Variants in ZNF148 observed in about 807,000 individuals in gnomAD.
ZNF148 encodes zinc finger protein 148.
ZNF148 carries 7 observed loss-of-function variants against 67.7 expected under a neutral mutation model. The observed-to-expected ratio is 0.10, with a 90% confidence interval of 0.06 to 0.19. The LOEUF (loss-of-function observed/expected upper bound fraction) is 0.19, where lower values mean the gene tolerates loss of function less well. Ranked by LOEUF, ZNF148 falls within the 10% of genes least tolerant of loss-of-function variation. The pLI is 1.00. For missense variants in ZNF148, 583 were observed against 947.1 expected, an observed-to-expected ratio of 0.62 and a Z score of 5.05; for synonymous variants, 333 against 330.7, an observed-to-expected ratio of 1.01 and a Z score of -0.08.
At chr3:125,270,873 C>T (rs573984812) in intron 7 of ZNF148, among the ~76,000 whole-genome samples, 2 of 152,168 alleles carry the variant, frequency 1.3e-5, no homozygotes, top group South Asian at 2.1e-4. Flanking sequence ...GAGACTTCAT[C>T]TCTGAAAACA....
At chr3:125,304,057 T>G (rs1939741837) in intron 4 of ZNF148, among the ~76,000 whole-genome samples, 1 of 152,090 alleles carries the variant, frequency 6.6e-6, no homozygotes, top group Admixed American at 6.6e-5. Context: ...AAGGATAGAT[T>G]TTTGTCCTTT....
At chr3:125,235,360 C>CT (rs1936036872) in intron 7 of ZNF148, among the ~76,000 whole-genome samples, 1 of 152,212 alleles carries the variant, frequency 6.6e-6, no homozygotes, top group Admixed American at 6.5e-5. Flanking sequence ...ATATTTCACT[C>CT]TTTCTCTTGG....
chr3:125,329,312 GAT>G lies in ZNF148; in HGVS notation c.-153+1844_-153+1845del, dbSNP rs200587493. ...TGTATATATGTATATTCATACTACA[GAT>G]ATATATATAATTTTTTATATATATA... On this transcript the variant is annotated intron_variant, in intron 2 of 8. Transcript: ENST00000360647. 1.8e-3 allele frequency among the ~76,000 whole-genome samples: 262 copies of G among 144,990 alleles called. 3 individuals carry two copies. Among genetic ancestry groups the G allele is most frequent in the African/African-American group, 5.8e-3 (232 of 39,906 alleles).
chr3:125,356,100 G>A (rs1942334030), intron 1 of ZNF148, among the ~76,000 whole-genome samples: 1 of 152,122 alleles, frequency 6.6e-6, no homozygotes, highest in Non-Finnish European at 1.5e-5. Flanking sequence ...AAATGTAAAT[G>A]TGGTACAAAT....
At chr3:125,328,470 T>C (rs553336830) in intron 2 of ZNF148, among the ~76,000 whole-genome samples, 1 of 152,290 alleles carries the variant, frequency 6.6e-6, no homozygotes, top group Non-Finnish European at 1.5e-5. Context: ...CATTACACAA[T>C]GTAAGCATGT....
intron 7 of ZNF148, among the ~76,000 whole-genome samples, chr3:125,253,177 C>A (rs1475469727): frequency 6.6e-6 from 1 of 152,130 alleles, no homozygotes; most frequent in South Asian, 2.1e-4. Context: ...TTTCATATCT[C>A]TTTATAATGT....
At chr3:125,273,961 A>C (rs1039866956) in intron 7 of ZNF148, among the ~76,000 whole-genome samples, 2 of 152,266 alleles carry the variant, frequency 1.3e-5, no homozygotes, top group Admixed American at 1.3e-4. Context: ...AAATAAAATT[A>C]AAAATTGTAC....
intron 7 of ZNF148, among the ~76,000 whole-genome samples, chr3:125,275,891 G>C (rs1432693888): frequency 2.0e-5 from 3 of 152,150 alleles, no homozygotes; most frequent in African/African-American, 7.2e-5. Context: ...GCCTCATGTG[G>C]CTTTTCTGTG....
intron 2 of ZNF148, among the ~76,000 whole-genome samples, chr3:125,325,245 C>A (rs1388206155): frequency 1.3e-5 from 2 of 151,960 alleles, no homozygotes; most frequent in Non-Finnish European, 1.5e-5. Flanking sequence ...ATCAGAAGGG[C>A]TCAACAGATT....
chr3:125,359,432 C>T (rs1057041845), intron 1 of ZNF148, among the ~76,000 whole-genome samples: 1 of 152,132 alleles, frequency 6.6e-6, no homozygotes, highest in African/African-American at 2.4e-5. Context: ...ACATGAACAT[C>T]AAAAACTCTG....
chr3:125,355,546 G>A (rs896799433), intron 1 of ZNF148, among the ~76,000 whole-genome samples: 1 of 152,108 alleles, frequency 6.6e-6, no homozygotes, highest in Non-Finnish European at 1.5e-5. Flanking sequence ...TTTGTTTTGT[G>A]ATATAGGAGG....
At chr3:125,356,193 C>T (rs1942336817) in intron 1 of ZNF148, among the ~76,000 whole-genome samples, 1 of 152,200 alleles carries the variant, frequency 6.6e-6, no homozygotes, top group African/African-American at 2.4e-5. Flanking sequence ...GGAGAAATTA[C>T]TTTTAAATGT....
intron 1 of ZNF148, among the ~76,000 whole-genome samples, chr3:125,332,603 C>T (rs1449770345): frequency 6.6e-6 from 1 of 152,162 alleles, no homozygotes; most frequent in Non-Finnish European, 1.5e-5. Flanking sequence ...GTAGCCAAGC[C>T]TCAACCAATT....
chr3:125,252,177 A>T (rs1331621949), intron 7 of ZNF148, among the ~76,000 whole-genome samples: 1 of 152,196 alleles, frequency 6.6e-6, no homozygotes, highest in Non-Finnish European at 1.5e-5. Context: ...CATATTCATC[A>T]GGCTTGGTTT....
chr3:125,371,002 T>C (rs1942860798), intron 1 of ZNF148, among the ~76,000 whole-genome samples: 1 of 152,054 alleles, frequency 6.6e-6, no homozygotes, highest in Non-Finnish European at 1.5e-5. Context: ...CTCTCCCTAC[T>C]ACATCCCCCC....
intron 3 of ZNF148, among the ~76,000 whole-genome samples, chr3:125,317,146 G>C (rs923102061): frequency 6.6e-6 from 1 of 152,044 alleles, no homozygotes; most frequent in Non-Finnish European, 1.5e-5. Context: ...TTATTCCTAT[G>C]GCCCCAAATT....
At chr3:125,347,537 T>C (rs1218445422) in intron 1 of ZNF148, among the ~76,000 whole-genome samples, 1 of 151,358 alleles carries the variant, frequency 6.6e-6, no homozygotes, top group Non-Finnish European at 1.5e-5. Flanking sequence ...ACTAAATTTA[T>C]GGTCAATCTT....
chr3:125,257,330 T>C (rs1047063593), intron 7 of ZNF148, among the ~76,000 whole-genome samples: 1 of 152,088 alleles, frequency 6.6e-6, no homozygotes, highest in African/African-American at 2.4e-5. Context: ...GGTGGGCAGA[T>C]CACCTGAGGT....
intron 1 of ZNF148, among the ~76,000 whole-genome samples, chr3:125,342,000 G>A (rs565720917): frequency 3.3e-4 from 25 of 75,922 alleles, no homozygotes; most frequent in South Asian, 7.6e-4. Flanking sequence ...GTTTCGGGGC[G>A]GGGGGGGGAA....
Sources: gnomAD v4.1 joint callset for allele counts (sites outside exome capture counted in the v4.1 genomes callset) on GRCh38, gnomAD v4.1.1 for gene constraint, MANE v1.5 for transcripts, NCBI Gene and HGNC (gene_info 2026-07-23, HGNC 2026-07-21) for gene names.